DLGAP3: variants seen among roughly 807,000 people sequenced by gnomAD.
The protein encoded by DLGAP3 is disks large-associated protein 3.
A neutral mutation model predicts 81.2 loss-of-function variants in DLGAP3; 17 were observed. The ratio of observed to expected loss-of-function variants is 0.21; its 90% CI spans 0.14 to 0.31. The LOEUF is 0.31. Ranked by LOEUF, DLGAP3 falls within the 10% of genes least tolerant of loss-of-function variation. The pLI is 1.00. For synonymous variants in DLGAP3, 577 were observed against 587.4 expected (o/e 0.98, Z 0.26); for missense variants, 1,124 against 1,388.0 (o/e 0.81, Z 3.02).
At chr1:34,890,437 T>A (rs1414449394) in intron 5 of DLGAP3, among the ~76,000 whole-genome samples, 1 of 152,226 alleles carries the variant, frequency 6.6e-6, no homozygotes, top group Admixed American at 6.5e-5. Flanking sequence ...TTCTCATGAG[T>A]GTGGACCAGA....
At chr1:34,899,125 T>C (rs866639776) in intron 5 of DLGAP3, among the ~76,000 whole-genome samples, 7 of 151,530 alleles carry the variant, frequency 4.6e-5, no homozygotes, top group Middle Eastern at 3.2e-3. Flanking sequence ...AGCCTCACTG[T>C]GTCGCCCAGG....
rs1237928288 is a variant in DLGAP3, at chr1:34,904,293, G to C, written c.1091C>G (p.Thr364Ser). The C allele has an allele frequency of 3.7e-6, 6 of 1,605,488 alleles. No homozygotes were observed. Among genetic ancestry groups the C allele is most frequent in the Non-Finnish European group, 2.5e-6 (3 of 1,180,010 alleles). ...AAGCCTCACCTGCAGATAGTGATAA[G>C]TCCTGGCTTTGGCCTTGGTCTCCGG... ...LGPETKAKAR[T>S]YHYLQVPQDD... Residue 364 changes from threonine to serine, a missense_variant, in exon 3 of 12, where the codon ACT (threonine) becomes AGT (serine). Thr to Ser is a moderately conservative substitution (Grantham distance 58). Coordinates refer to ENST00000373347, the MANE Select transcript of DLGAP3 (RefSeq NM_001080418.3). The surrounding 1 kb of genome is among the most constrained non-coding windows in gnomAD (Gnocchi z 8.1).
At chr1:34,870,714 T>C (rs918396506) in intron 8 of DLGAP3, among the ~76,000 whole-genome samples, 3 of 152,168 alleles carry the variant, frequency 2.0e-5, no homozygotes, top group African/African-American at 7.2e-5. Flanking sequence ...AGTCTTCCCC[T>C]CAGTGTCTGC....
At position 34,900,350 on chromosome 1, in the gene DLGAP3, G is replaced by A. The variant is rs765349092; in HGVS notation, c.1108-77C>T. 57 of 1,460,516 alleles carry A rather than the reference G, an allele frequency of 3.9e-5. No homozygotes were observed. The Middle Eastern group carries it at 6.9e-4, about 18-fold the overall frequency. 90.5% of individuals were successfully genotyped at this position (1,460,516 alleles called of 1,614,324 possible). A position where few individuals can be genotyped will look rare whatever the true frequency, so the allele number is the denominator to read the frequency against. On this transcript the variant is annotated intron_variant, in intron 3 of 11. Transcript: ENST00000373347. The surrounding 1 kb of genome is among the most constrained non-coding windows in gnomAD (Gnocchi z 5.6). ...GGCCAGGACTCTTTCCCCACTGCCA[G>A]TGGGAGATGCCCTGCCCTGGCTTGA...
chr1:34,868,500 G>A lies in DLGAP3; in HGVS notation c.2485+105C>T. On this transcript the variant is annotated intron_variant, in intron 9 of 11. Transcript: ENST00000373347. This position sits in a 1 kb window ranked among gnomAD's most constrained non-coding sequence, Gnocchi z 7.5. ...GAAGACCAGTGAGGCACCAACCGAA[G>A]GGGCCTCCTGTTACACTGCAGCCCC... The A allele has an allele frequency of 9.5e-6, 9 of 946,876 alleles. No homozygotes were observed. The highest frequency in any genetic ancestry group is 1.5e-5 in the Non-Finnish European group (9 of 591,684). The allele number at this position is 946,876 out of a possible 1,614,324, so 58.7% of individuals were successfully genotyped here. A position where few individuals can be genotyped will look rare whatever the true frequency, so the allele number is the denominator to read the frequency against.
Position 34,899,790 on chromosome 1 carries a change from T to C in DLGAP3, c.1314-49A>G, listed in dbSNP as rs1639427532. 3 of 1,556,872 alleles carry C rather than the reference T, an allele frequency of 1.9e-6. No homozygotes were observed. In the South Asian group the frequency reaches 3.3e-5, roughly 17 times the overall value. Reference sequence around the variant, plus strand: ...GTCAGAACAGTGGACTGCTAGGAGGTGGGGGAGGGGAGATAATAGCACTGG... The same window carrying C: ...GTCAGAACAGTGGACTGCTAGGAGGCGGGGGAGGGGAGATAATAGCACTGG... On this transcript the variant is annotated intron_variant, in intron 4 of 11. Transcript: ENST00000373347.
At chr1:34,881,111 C>A (rs1639137639) in intron 8 of DLGAP3, among the ~76,000 whole-genome samples, 1 of 152,054 alleles carries the variant, frequency 6.6e-6, no homozygotes, top group Non-Finnish European at 1.5e-5. Flanking sequence ...AAATTGTAGG[C>A]TTACAATTAT....
In DLGAP3 at chr1:34,867,394, C is replaced by T; in HGVS notation, c.2577+142G>A. On this transcript the variant is annotated intron_variant, in intron 10 of 11. Transcript: ENST00000373347. This position sits in a 1 kb window ranked among gnomAD's most constrained non-coding sequence, Gnocchi z 4.3. The stretch of plus-strand genomic sequence containing the variant: ...CCTGGTCCTACCTCCAGGCACAAGA[C>T]TCACAGCTACCCCAGAAGGCATGCA... The T allele has an allele frequency of 9.6e-7, 1 of 1,046,190 alleles. No homozygotes were observed. Among genetic ancestry groups the T allele is most frequent in the South Asian group, 1.3e-5 (1 of 79,150 alleles). The allele number at this position is 1,046,190 out of a possible 1,614,324, so 64.8% of individuals were successfully genotyped here. A position where few individuals can be genotyped will look rare whatever the true frequency, so the allele number is the denominator to read the frequency against.
Position 34,868,580 on chromosome 1 carries a change from C to G in DLGAP3, c.2485+25G>C. ...ACACGAGGCCATGGTCCCCAGAGTCCCCTTGTTCCGATGCCGTGACTCACT... is the reference window on the plus strand; with the variant it reads ...ACACGAGGCCATGGTCCCCAGAGTCGCCTTGTTCCGATGCCGTGACTCACT... On this transcript the variant is annotated intron_variant, in intron 9 of 11. Coordinates refer to ENST00000373347, the MANE Select transcript of DLGAP3 (RefSeq NM_001080418.3). The surrounding 1 kb of genome is among the most constrained non-coding windows in gnomAD (Gnocchi z 7.5). 1.3e-6 allele frequency: 2 copies of G among 1,596,404 alleles called. No individual in the cohort carries two copies. Among genetic ancestry groups the G allele is most frequent in the Non-Finnish European group, 1.7e-6 (2 of 1,166,132 alleles).
intron 8 of DLGAP3, among the ~76,000 whole-genome samples, chr1:34,880,617 G>A (rs1031086103): frequency 6.6e-6 from 1 of 151,828 alleles, no homozygotes; most frequent in Non-Finnish European, 1.5e-5. Context: ...TGTAATCCCA[G>A]CTACTCGGGA....
intron 1 of DLGAP3, among the ~76,000 whole-genome samples, chr1:34,921,170 G>T (rs1209112303): frequency 6.6e-6 from 1 of 152,184 alleles, no homozygotes; most frequent in South Asian, 2.1e-4. Flanking sequence ...CTTTGCACAC[G>T]TAGCACTCAC....
chr1:34,880,469 G>C (rs1030547582), intron 8 of DLGAP3, among the ~76,000 whole-genome samples: 1 of 152,164 alleles, frequency 6.6e-6, no homozygotes, highest in Non-Finnish European at 1.5e-5. Context: ...AGTGGCTCAC[G>C]CCTGTAATCC....
chr1:34,901,994 A>C (rs1639467243), intron 3 of DLGAP3, among the ~76,000 whole-genome samples: 1 of 152,168 alleles, frequency 6.6e-6, no homozygotes, highest in South Asian at 2.1e-4. Flanking sequence ...TGGAAGAAGG[A>C]TCGGCCTGGG....
Position 34,895,021 on chromosome 1 carries a change from T to C in DLGAP3, c.1386+4648A>G, listed in dbSNP as rs968611946. Among the ~76,000 whole-genome samples the C allele has an allele frequency of 2.0e-5, 3 of 152,222 alleles. No individual in the cohort carries two copies. Among genetic ancestry groups the C allele is most frequent in the Non-Finnish European group, 2.9e-5 (2 of 68,052 alleles). On this transcript the variant is annotated intron_variant, in intron 5 of 11. Transcript: ENST00000373347. This position sits in a 1 kb window ranked among gnomAD's most constrained non-coding sequence, Gnocchi z 4.5. ...TTGTATTCATAAGTCATAACATTAC[T>C]TTATACCCCATAAATATATACACCC...
In DLGAP3 at chr1:34,877,275, A is replaced by C. The variant is rs570197953; in HGVS notation, c.2000+7703T>G. Among the ~76,000 whole-genome samples, 3 of 152,328 alleles carry C rather than the reference A, an allele frequency of 2.0e-5. No homozygotes were observed. In the East Asian group the frequency reaches 5.8e-4, roughly 29 times the overall value. ...AGCCAAGAAGGTCTGTTTCATTTGC[A>C]AACTTGGACTCAAAACGCTCATGCC... is the stretch of plus-strand genomic sequence containing the variant. On this transcript the variant is annotated intron_variant, in intron 8 of 11. Transcript: ENST00000373347.
Position 34,868,831 on chromosome 1 carries a change from A to G in DLGAP3, c.2259T>C (p.Asp753=). The part of the protein sequence containing the change: ...YPLPYEPPAT[D]GSPGPAPAPT... The stretch of plus-strand genomic sequence containing the variant: ...GGGCGGGGGCAGGGCCGGGCGACCC[A>G]TCGGTGGCCGGCGGCTCGTACGGCA... The change falls in exon 9 of 12, where the codon GAT becomes GAC. Residue 753 remains aspartate (D), a synonymous_variant. Transcript: ENST00000373347. This position sits in a 1 kb window ranked among gnomAD's most constrained non-coding sequence, Gnocchi z 7.5. 3 of 1,582,058 alleles carry G rather than the reference A, an allele frequency of 1.9e-6. No individual in the cohort carries two copies. Among genetic ancestry groups the G allele is most frequent in the East Asian group, 4.5e-5 (2 of 44,194 alleles).
chr1:34,890,485 T>C (rs1045354978), intron 5 of DLGAP3, among the ~76,000 whole-genome samples: 2 of 152,214 alleles, frequency 1.3e-5, no homozygotes, highest in African/African-American at 4.8e-5. Context: ...ATATGGCAGA[T>C]ACAATGGGAT....
In DLGAP3 at chr1:34,885,636, C is replaced by T. The variant is rs750793092; in HGVS notation, c.1756G>A (p.Asp586Asn). 33 of 1,503,278 alleles carry T rather than the reference C, an allele frequency of 2.2e-5. No individual in the cohort carries two copies. The highest frequency in any genetic ancestry group is 2.9e-5 in the Non-Finnish European group (33 of 1,131,564). 93.1% of individuals were successfully genotyped at this position (1,503,278 alleles called of 1,614,324 possible). A position where few individuals can be genotyped will look rare whatever the true frequency, so the allele number is the denominator to read the frequency against. Residue 586 changes from aspartate (D) to asparagine (N), a missense_variant, in exon 7 of 12, where the codon GAC becomes AAC. Coordinates refer to ENST00000373347, the MANE Select transcript of DLGAP3 (RefSeq NM_001080418.3). ...GTGCGCGCACCCATGGCGGGGCCGT[C>T]CAGCCCGTCGGCGGAGCTGCAGCGC... is the stretch of plus-strand genomic sequence containing the variant. ...ARRCSSADGL[D>N]GPAMGARTLE...
intron 5 of DLGAP3, among the ~76,000 whole-genome samples, chr1:34,896,212 A>G (rs1027481066): frequency 1.3e-5 from 2 of 152,232 alleles, no homozygotes; most frequent in Admixed American, 1.3e-4. Flanking sequence ...CACCTTGGTC[A>G]GATTTCTAGC....
Sources: gnomAD v4.1 joint callset for allele counts (sites outside exome capture counted in the v4.1 genomes callset) on GRCh38, gnomAD v4.1.1 for gene constraint, Gnocchi (gnomAD v3.1) non-coding constraint, MANE v1.5 for transcripts, NCBI Gene and HGNC (gene_info 2026-07-23, HGNC 2026-07-21) for gene names.